Variants in RIMS2 observed in about 807,000 individuals in gnomAD.
The protein encoded by RIMS2 is regulating synaptic membrane exocytosis 2.
Under a neutral mutation model 174.4 loss-of-function variants are expected in RIMS2, and 59 were observed. The observed-to-expected ratio is 0.34, with a 90% CI of 0.27 to 0.42. RIMS2 has a LOEUF of 0.42. Ranked by LOEUF, RIMS2 falls within the 10% of genes least tolerant of loss-of-function variation. The pLI is 1.00. For missense variants in RIMS2, 1,620 were observed against 1,666.3 expected (o/e 0.97, Z 0.48); for synonymous variants, 606 against 572.5 (o/e 1.06, Z -0.84).
At chr8:104,112,297 G>A (rs1012098926) in intron 19 of RIMS2, among the ~76,000 whole-genome samples, 1 of 151,998 alleles carries the variant, frequency 6.6e-6, no homozygotes, top group African/African-American at 2.4e-5. Context: ...TTTTAATCAT[G>A]ATTTTAACAA....
intron 19 of RIMS2, among the ~76,000 whole-genome samples, chr8:104,172,372 A>G (rs1405235228): frequency 6.6e-6 from 1 of 151,560 alleles, no homozygotes; most frequent in Non-Finnish European, 1.5e-5. Context: ...GTAAAGAAAC[A>G]AAAAAAAAGC....
chr8:103,924,808 T>C (rs1279960658), intron 10 of RIMS2, among the ~76,000 whole-genome samples: 1 of 151,608 alleles, frequency 6.6e-6, no homozygotes, highest in Non-Finnish European at 1.5e-5. Flanking sequence ...CTCAAGGCTG[T>C]TGATTTTTTT....
intron 1 of RIMS2, among the ~76,000 whole-genome samples, chr8:103,558,414 G>A (rs10112376): frequency 0.012 from 1,764 of 152,162 alleles, 32 homozygotes; most frequent in African/African-American, 0.039. Context: ...TGTAGAGATG[G>A]GGTTTTGCCA....
intron 1 of RIMS2, among the ~76,000 whole-genome samples, chr8:103,512,468 G>A (rs1827009505): frequency 6.6e-6 from 1 of 152,100 alleles, no homozygotes; most frequent in South Asian, 2.1e-4. Flanking sequence ...TCCTCATCCT[G>A]GGACACAGGT....
intron 19 of RIMS2, among the ~76,000 whole-genome samples, chr8:104,177,588 G>A (rs984501969): frequency 1.3e-5 from 2 of 151,886 alleles, no homozygotes; most frequent in East Asian, 1.9e-4. Context: ...TCTTCAAATC[G>A]ATCACATAGG....
intron 1 of RIMS2, among the ~76,000 whole-genome samples, chr8:103,584,489 T>C (rs924841569): frequency 2.0e-5 from 3 of 152,166 alleles, no homozygotes; most frequent in Admixed American, 2.0e-4. Context: ...TTATCCTAAG[T>C]GGAAAGAGTA....
intron 1 of RIMS2, among the ~76,000 whole-genome samples, chr8:103,566,342 C>T (rs1339925037): frequency 1.3e-5 from 2 of 152,132 alleles, no homozygotes; most frequent in Non-Finnish European, 2.9e-5. Flanking sequence ...ATTCCTGTCT[C>T]ATAAGGAAGC....
intron 1 of RIMS2, among the ~76,000 whole-genome samples, chr8:103,694,576 G>A (rs1266785573): frequency 2.0e-5 from 3 of 152,092 alleles, no homozygotes; most frequent in African/African-American, 7.2e-5. Context: ...TGTCTACTGG[G>A]CAGGCCTGGA....
In RIMS2 at chr8:104,106,130, A is replaced by G. The variant is rs540371428; in HGVS notation, c.3334+91515A>G. Among the ~76,000 whole-genome samples, 23 of 151,574 alleles carry G rather than the reference A, an allele frequency of 1.5e-4. 1 individual carries two copies. The South Asian group carries it at 4.4e-3, about 29-fold the overall frequency. On this transcript the variant is annotated intron_variant, in intron 19 of 23. Transcript: ENST00000504942. ...ATTTAAGTAGAGACAATGTCTCACT[A>G]TGTTACCTACCCAGACTTGTCTTGA...
At position 103,632,430 on chromosome 8, in the gene RIMS2, TG is replaced by T. The variant is rs1489314842; in HGVS notation, c.177-64655del. Among the ~76,000 whole-genome samples the T allele has an allele frequency of 2.6e-5, 4 of 152,238 alleles. 1 individual carries two copies. Among genetic ancestry groups the T allele is most frequent in the African/African-American group, 9.6e-5 (4 of 41,470 alleles). ...TATGTGATGAATCATATTTATTGATTGCTTTTTTGAGGCGGAGTCTTGCTCT... is the reference window on the plus strand; with the variant it reads ...TATGTGATGAATCATATTTATTGATTCTTTTTTGAGGCGGAGTCTTGCTCT... On this transcript the variant is annotated intron_variant, in intron 1 of 23. Transcript: ENST00000504942.
chr8:103,501,088 C>T (rs769743164), intron 1 of RIMS2, 26 bp downstream of exon 1: 141 of 1,539,380 alleles, frequency 9.2e-5, no homozygotes, highest in Non-Finnish European at 1.2e-4. Context: ...CATATTCCCG[C>T]CTCTCTCCCT....
chr8:103,569,093 T>C (rs1336591132), intron 1 of RIMS2: 12 of 320,150 alleles, frequency 3.7e-5, no homozygotes, highest in Non-Finnish European at 6.9e-5. Context: ...CAGTGTTATA[T>C]CGAAGGAAAC....
intron 1 of RIMS2, among the ~76,000 whole-genome samples, chr8:103,655,122 G>A (rs1394931037): frequency 6.6e-6 from 1 of 151,818 alleles, no homozygotes; most frequent in African/African-American, 2.4e-5. Context: ...GTAGACTACT[G>A]TATATTCAAC....
rs1228783742 is a variant in RIMS2, at chr8:103,752,844, G to A, written c.388-13383G>A. On this transcript the variant is annotated intron_variant, in intron 2 of 23. Transcript: ENST00000504942. ...TAAGGAGATTTTGGGCTGAGACAAT[G>A]GGGGTTTTCTATATATACAATCATG... Among the ~76,000 whole-genome samples the A allele has an allele frequency of 5.9e-5, 9 of 152,248 alleles. No homozygotes were observed. In the East Asian group the frequency reaches 1.5e-3, roughly 26 times the overall value.
intron 19 of RIMS2, among the ~76,000 whole-genome samples, chr8:104,227,774 G>T (rs2099197386): frequency 1.3e-5 from 2 of 152,168 alleles, no homozygotes; most frequent in African/African-American, 2.4e-5. Context: ...ATACAGAAGA[G>T]ATCCTATCAG....
chr8:104,130,678 A>T (rs558753248), intron 19 of RIMS2, among the ~76,000 whole-genome samples: 1 of 152,200 alleles, frequency 6.6e-6, no homozygotes, highest in Non-Finnish European at 1.5e-5. Context: ...CACATTACTG[A>T]GGAAAATGTT....
At chr8:104,073,227 A>G (rs1006390085) in intron 19 of RIMS2, among the ~76,000 whole-genome samples, 56 of 152,344 alleles carry the variant, frequency 3.7e-4, no homozygotes, top group African/African-American at 1.3e-3. Context: ...CAATGTATTT[A>G]TACATGGAAA....
intron 19 of RIMS2, among the ~76,000 whole-genome samples, chr8:104,017,276 TG>T (rs2095942094): frequency 3.9e-5 from 6 of 152,048 alleles, no homozygotes; most frequent in African/African-American, 1.4e-4. Context: ...AAGTTAATTA[TG>T]AGAAGTTGTA....
chr8:104,030,749 T>A (rs1476180613), intron 19 of RIMS2, among the ~76,000 whole-genome samples: 2 of 152,190 alleles, frequency 1.3e-5, no homozygotes, highest in African/African-American at 2.4e-5. Context: ...GTTGCCTTCT[T>A]AGAGAAGACT....
Sources: gnomAD v4.1 joint callset for allele counts (sites outside exome capture counted in the v4.1 genomes callset) on GRCh38, gnomAD v4.1.1 for gene constraint, MANE v1.5 for transcripts, NCBI Gene and HGNC (gene_info 2026-07-23, HGNC 2026-07-21) for gene names.